The following KRT25 variants were observed in gnomAD, a reference collection of about 807,000 sequenced individuals.
The protein encoded by KRT25 is keratin, type I cytoskeletal 25.
Under a neutral mutation model 47.6 loss-of-function variants are expected in KRT25, and 37 were observed. That is an observed-to-expected ratio of 0.78 (90% CI 0.60 to 1.02). The LOEUF (loss-of-function observed/expected upper bound fraction) is 1.02. Ranked by LOEUF, KRT25 falls within the 50% of genes least tolerant of loss-of-function variation. The probability of loss-of-function intolerance (pLI) is 0.00; values close to 1 mark genes in which losing one functional copy is unlikely to be tolerated. For synonymous variants in KRT25, 203 were observed against 210.2 expected (o/e 0.97, Z 0.30); for missense variants, 542 against 550.3 (o/e 0.98, Z 0.15).
intron 1 of KRT25, 123 bp downstream of exon 1, chr17:40,754,718 CAA>C (rs33924883): frequency 0.022 from 12,925 of 597,960 alleles, no homozygotes; most frequent in East Asian, 0.031. Flanking sequence ...AACTCCTTCT[CAA>C]AAAAAAAAAA....
rs2038090455 is a variant in KRT25 at position 40,754,840 on chromosome 17, T to C, written c.429+3A>G. ...AAAATGATTGTGCAGTATGATTTCT[T>C]ACCTGATTTTTAAGGTCATCAATTA... On this transcript the variant is annotated splice_donor_region_variant and intron_variant, in intron 1 of 7. Coordinates refer to ENST00000312150, the MANE Select transcript of KRT25 (RefSeq NM_181534.4). 2 of 1,605,514 alleles carry C rather than the reference T, an allele frequency of 1.2e-6. No homozygotes were observed. Among genetic ancestry groups the C allele is most frequent in the East Asian group, 2.2e-5 (1 of 44,776 alleles).
In KRT25 at chr17:40,748,214, C is replaced by G; in HGVS notation, c.*63G>C. ...TCTTAGACATGCACATTTTTCTGGA[C>G]AGATACATAATGCCTTTTCTTCGCA... On this transcript the variant is annotated 3_prime_UTR_variant, in exon 8 of 8. Transcript: ENST00000312150. 1 of 1,067,456 alleles carries G rather than the reference C, an allele frequency of 9.4e-7. No homozygotes were observed. The highest frequency in any genetic ancestry group is 2.3e-5 in the Admixed American group (1 of 43,024). 66.1% of individuals were successfully genotyped at this position (1,067,456 alleles called of 1,614,324 possible). A position where few individuals can be genotyped will look rare whatever the true frequency, so the allele number is the denominator to read the frequency against.
rs760708069 is a variant in KRT25, at chr17:40,750,495, G to A, written c.1060C>T (p.Gln354Ter). The change falls in exon 6 of 8, where the codon CAG (glutamine) becomes TAG (stop). Residue 354 changes from glutamine to a stop codon, truncating the protein, a stop_gained. Coordinates refer to ENST00000312150, the MANE Select transcript of KRT25 (RefSeq NM_181534.4). LOFTEE classifies it high-confidence loss of function. The stretch of plus-strand genomic sequence containing the variant: ...TGGCCCTCGGTCTCGGTTCTGACCT[G>A]GTGCAGCTGCTCCTCCAGGGCCCCG... ...QIGALEEQLH[Q>*]VRTETEGQKL... is the part of the protein sequence containing the mutation. 5 of 1,614,040 alleles carry A rather than the reference G, an allele frequency of 3.1e-6. No individual in the cohort carries two copies. The highest frequency in any genetic ancestry group is 4.2e-6 in the Non-Finnish European group (5 of 1,180,016).
In KRT25 at chr17:40,754,908, A is replaced by G. The variant is rs2038091221; in HGVS notation, c.364T>C (p.Ser122Pro). Residue 122 changes from serine (S) to proline (P), a missense_variant, in exon 1 of 8, where the codon TCT becomes CCT. Physicochemically the swap from Ser to Pro is moderately conservative, Grantham distance 74 (BLOSUM62 -1). Coordinates refer to ENST00000312150, the MANE Select transcript of KRT25 (RefSeq NM_181534.4). ...TAGTCATGATCAAGACCACGGCAAG[A>G]GCCAGGCCCAAATTTCTCATACCAG... is the stretch of plus-strand genomic sequence containing the variant. The part of the protein sequence containing the change: ...KGWYEKFGPG[S>P]CRGLDHDYSR... 6.2e-7 allele frequency: 1 copy of G among 1,614,066 alleles called. No homozygotes were observed. Among genetic ancestry groups the G allele is most frequent in the Admixed American group, 1.7e-5 (1 of 60,006 alleles).
intron 3 of KRT25, among the ~76,000 whole-genome samples, chr17:40,751,758 G>A (rs1252712798): frequency 6.6e-6 from 1 of 152,146 alleles, no homozygotes; most frequent in Non-Finnish European, 1.5e-5. Flanking sequence ...CTTTGGTGCA[G>A]TGTTAACTCA....
Position 40,751,342 on chromosome 17 carries a change from T to C in KRT25, c.670-16A>G, listed in dbSNP as rs746136647. On this transcript the variant is annotated splice_polypyrimidine_tract_variant and intron_variant, in intron 3 of 7. Coordinates refer to ENST00000312150, the MANE Select transcript of KRT25 (RefSeq NM_181534.4). ...CTTGCATTTCCTAGAGGCAGAAAAG[T>C]GTTCTGCTCAGCTCTGCAGGAATCT... is the stretch of plus-strand genomic sequence containing the variant. 44 of 1,600,332 alleles carry C rather than the reference T, an allele frequency of 2.7e-5. No individual in the cohort carries two copies. Among genetic ancestry groups the C allele is most frequent in the Non-Finnish European group, 3.3e-5 (39 of 1,173,872 alleles).
Position 40,751,220 on chromosome 17 carries a change from T to A in KRT25, c.776A>T (p.Tyr259Phe). Reference sequence around the variant, plus strand: ...GCGGTTCTGCTCTGCAAGGGCTTCGTACTCAGCTCGCATGTTGTTCAGCAG... The same window carrying A: ...GCGGTTCTGCTCTGCAAGGGCTTCGAACTCAGCTCGCATGTTGTTCAGCAG... ...TVLLNNMRAEYEALAEQNRRD... is the reference protein window; with the variant it reads ...TVLLNNMRAEFEALAEQNRRD... Residue 259 changes from tyrosine (Y) to phenylalanine (F), a missense_variant, in exon 4 of 8, where the codon TAC becomes TTC. Tyr to Phe is a conservative substitution (Grantham distance 22, BLOSUM62 3). Coordinates refer to ENST00000312150, the MANE Select transcript of KRT25 (RefSeq NM_181534.4). 1 of 1,614,246 alleles carries A rather than the reference T, an allele frequency of 6.2e-7. No homozygotes were observed. Among genetic ancestry groups the A allele is most frequent in the Non-Finnish European group, 8.5e-7 (1 of 1,180,046 alleles).
In KRT25 at chr17:40,750,600, G is replaced by C. The variant is rs1211741570; in HGVS notation, c.958-3C>G. ...AAGGAGCACTCCAGGGAGTGTTTCT[G>C]TCAGGAAGCAATAAAGAGAACTTGA... On this transcript the variant is annotated splice_region_variant and splice_polypyrimidine_tract_variant and intron_variant, in intron 5 of 7. Transcript: ENST00000312150. 6.2e-7 allele frequency: 1 copy of C among 1,614,046 alleles called. No individual in the cohort carries two copies. Among genetic ancestry groups the C allele is most frequent in the Admixed American group, 1.7e-5 (1 of 60,016 alleles).
At chr17:40,749,465 A>G (rs1234098998) in intron 6 of KRT25, 140 bp from the exon 7 acceptor site, 2 of 685,046 alleles carry the variant, frequency 2.9e-6, no homozygotes, top group Non-Finnish European at 5.2e-6. Context: ...ATTTCTGTAG[A>G]GGTATGAATA....
chr17:40,754,689 GCC>G (rs1206792725), intron 1 of KRT25, among the ~76,000 whole-genome samples, 152 bp downstream of exon 1: 1 of 126,282 alleles, frequency 7.9e-6, no homozygotes, highest in African/African-American at 3.2e-5. Context: ...TTGCACTCCA[GCC>G]TGGGCAACAA....
At chr17:40,754,574 A>T (rs1433599900) in intron 1 of KRT25, 106 bp from the exon 2 acceptor site, 1 of 1,059,980 alleles carries the variant, frequency 9.4e-7, no homozygotes, top group Non-Finnish European at 1.4e-6. Flanking sequence ...CACAAGTAGG[A>T]GGGCATGGTG....
At chr17:40,750,175 A>G (rs1050278715) in intron 6 of KRT25, among the ~76,000 whole-genome samples, 3 of 152,132 alleles carry the variant, frequency 2.0e-5, no homozygotes, top group Admixed American at 6.5e-5. Flanking sequence ...TTCAATGTTC[A>G]TATCTTGAAC....
At chr17:40,753,815 C>T (rs2038077259) in intron 3 of KRT25, 45 bp downstream of exon 3, 1 of 1,496,576 alleles carries the variant, frequency 6.7e-7, no homozygotes, top group Non-Finnish European at 9.1e-7. Flanking sequence ...GTCAGGTGCA[C>T]AGTGTCTGCG....
In KRT25 at chr17:40,748,283, G is replaced by A. The variant is rs1048227; in HGVS notation, c.1347C>T (p.Ser449=). The A allele has an allele frequency of 6.2e-7, 1 of 1,600,978 alleles. No individual in the cohort carries two copies. The highest frequency in any genetic ancestry group is 8.5e-7 in the Non-Finnish European group (1 of 1,170,088). The change falls in exon 8 of 8, where the codon AGC becomes AGT. Residue 449 remains serine (S), a synonymous_variant. Transcript: ENST00000312150. The part of the protein sequence containing the change: ...RLHSLEEKSQ[S]N ...TTCTCTGTTGCATCTCAAATTAATT[G>A]CTTTGAGATTTCTCTTCCAGGGAGT... is the stretch of plus-strand genomic sequence containing the variant.
At chr17:40,754,219 A>C (rs2038082823) in intron 2 of KRT25, among the ~76,000 whole-genome samples, 167 bp downstream of exon 2, 1 of 152,244 alleles carries the variant, frequency 6.6e-6, no homozygotes, top group South Asian at 2.1e-4. Flanking sequence ...CGCTAGTTTT[A>C]ATAGCAGTTC....
At chr17:40,752,564 CT>C (rs2038059947) in intron 3 of KRT25, among the ~76,000 whole-genome samples, 1 of 151,972 alleles carries the variant, frequency 6.6e-6, no homozygotes, top group Non-Finnish European at 1.5e-5. Context: ...TGAAAACTTC[CT>C]GGTTCAAGCA....
Position 40,755,124 on chromosome 17 carries a change from C to A in KRT25, c.148G>T (p.Gly50Ter). ...GIGSGFSSAF[G>*]GSSSGGNTGG... ...GTGTTTCCTCCCGATGAGCTGCCTC[C>A]GAAGGCACTAGAGAAGCCACTTCCA... Residue 50 changes from glycine to a stop codon, truncating the protein, a stop_gained, in exon 1 of 8, where the codon GGA becomes TGA. Coordinates refer to ENST00000312150, the MANE Select transcript of KRT25 (RefSeq NM_181534.4). LOFTEE classifies it high-confidence loss of function. The A allele has an allele frequency of 3.7e-6, 6 of 1,614,142 alleles. No individual in the cohort carries two copies. Among genetic ancestry groups the A allele is most frequent in the Non-Finnish European group, 5.1e-6 (6 of 1,180,008 alleles).
rs2144131319 is a variant in KRT25, at chr17:40,755,098, T to C, written c.174A>G (p.Thr58=). 5 of 1,614,166 alleles carry C rather than the reference T, an allele frequency of 3.1e-6. No homozygotes were observed. The African/African-American group carries it at 4.0e-5, about 13-fold the overall frequency. The change falls in exon 1 of 8, where the codon ACA becomes ACG. Residue 58 remains threonine, a synonymous_variant. Coordinates refer to ENST00000312150, the MANE Select transcript of KRT25 (RefSeq NM_181534.4). ...AFGGSSSGGN[T]GGGNPCAGFT... ...AGCCAGCACAGGGATTACCTCCCCC[T>C]GTGTTTCCTCCCGATGAGCTGCCTC... is the stretch of plus-strand genomic sequence containing the variant.
chr17:40,753,602 T>A (rs982103493), intron 3 of KRT25, among the ~76,000 whole-genome samples: 1 of 140,454 alleles, frequency 7.1e-6, no homozygotes, highest in African/African-American at 2.6e-5. Flanking sequence ...GAGAATGCCG[T>A]GAACCCAGGA....
Sources: gnomAD v4.1 joint callset for allele counts (sites outside exome capture counted in the v4.1 genomes callset) on GRCh38, gnomAD v4.1.1 for gene constraint, MANE v1.5 for transcripts, NCBI Gene and HGNC (gene_info 2026-07-23, HGNC 2026-07-21) for gene names.